TNR: variants seen among roughly 807,000 people sequenced by gnomAD.
TNR encodes tenascin-R.
Under a neutral mutation model 150.4 loss-of-function variants are expected in TNR, and 45 were observed. The ratio of observed to expected loss-of-function variants is 0.30; its 90% CI spans 0.24 to 0.38. The LOEUF (loss-of-function observed/expected upper bound fraction) is 0.38, where lower values mean the gene tolerates loss of function less well. Among genes scored for constraint, TNR ranks in the 10% least tolerant of loss-of-function variants. TNR has a pLI of 1.00. For missense variants in TNR, 1,544 were observed against 1,759.1 expected, an observed-to-expected ratio of 0.88 and a Z score of 2.19; for synonymous variants, 687 against 678.4, an observed-to-expected ratio of 1.01 and a Z score of -0.20.
chr1:175,391,536 G>T, intron 6 of TNR, 98 bp from the exon 7 acceptor site: 1 of 1,371,262 alleles, frequency 7.3e-7, no homozygotes, highest in Non-Finnish European at 9.9e-7. Flanking sequence ...ATTGTGGATT[G>T]TGAATTTAAA....
At chr1:175,328,518 C>A (rs982811078) in intron 21 of TNR, among the ~76,000 whole-genome samples, 1 of 152,212 alleles carries the variant, frequency 6.6e-6, no homozygotes, top group Non-Finnish European at 1.5e-5. Context: ...ACCTTCTGAT[C>A]TAGAAAGAAC....
intron 1 of TNR, among the ~76,000 whole-genome samples, chr1:175,559,103 T>TA (rs950094709): frequency 6.6e-5 from 10 of 152,272 alleles, no homozygotes; most frequent in African/African-American, 2.4e-4. Flanking sequence ...ATCTATTTTT[T>TA]AAAAAAATTT....
At chr1:175,605,270 A>G (rs1663371692) in intron 1 of TNR, among the ~76,000 whole-genome samples, 1 of 152,238 alleles carries the variant, frequency 6.6e-6, no homozygotes, top group Non-Finnish European at 1.5e-5. Flanking sequence ...AACCTTTCCA[A>G]AAATTTCAAT....
chr1:175,545,694 G>C (rs1189938584), intron 1 of TNR, among the ~76,000 whole-genome samples: 1 of 152,190 alleles, frequency 6.6e-6, no homozygotes, highest in Non-Finnish European at 1.5e-5. Flanking sequence ...AGTAGGTACT[G>C]TAGCTATGAT....
intron 7 of TNR, among the ~76,000 whole-genome samples, chr1:175,387,048 C>T (rs859440): frequency 0.67 from 101,267 of 152,140 alleles, 33,917 homozygotes; most frequent in East Asian, 0.83. Context: ...AGCCCTGGCC[C>T]CTGGCACTGT....
At chr1:175,725,418 G>T (rs899355094) in intron 1 of TNR, among the ~76,000 whole-genome samples, 1 of 152,118 alleles carries the variant, frequency 6.6e-6, no homozygotes, top group African/African-American at 2.4e-5. Context: ...TGTCAAAAAT[G>T]GCAACATCAG....
intron 2 of TNR, among the ~76,000 whole-genome samples, chr1:175,511,803 C>T (rs771623563): frequency 2.6e-5 from 4 of 152,200 alleles, no homozygotes; most frequent in African/African-American, 7.2e-5. Flanking sequence ...GAGGTGATCA[C>T]GGACTCTTCT....
chr1:175,354,499 T>A lies in TNR; in HGVS notation c.3274A>T (p.Thr1092Ser), dbSNP rs1055884416. ...RKELIVDAEDTWIRLEGLLEN... is the reference protein window; with the variant it reads ...RKELIVDAEDSWIRLEGLLEN... Reference sequence around the variant, plus strand: ...AACAGGCCCTCCAGTCGAATCCAGGTGTCTTCTGCATCCACAATCAGCTCC... The same window carrying A: ...AACAGGCCCTCCAGTCGAATCCAGGAGTCTTCTGCATCCACAATCAGCTCC... Residue 1092 changes from threonine to serine, a missense_variant, in exon 18 of 23, where the codon ACC (threonine) becomes TCC (serine). Transcript: ENST00000367674. The A allele has an allele frequency of 3.1e-6, 5 of 1,613,910 alleles. No homozygotes were observed. Among genetic ancestry groups the A allele is most frequent in the Admixed American group, 3.3e-5 (2 of 60,000 alleles).
intron 2 of TNR, among the ~76,000 whole-genome samples, chr1:175,411,726 C>T (rs1654226204): frequency 6.6e-6 from 1 of 151,954 alleles, no homozygotes; most frequent in Non-Finnish European, 1.5e-5. Context: ...AACCACTCTA[C>T]TCCAGTATGA....
At chr1:175,729,414 C>CCTCTCTCTCT (rs10655316) in intron 1 of TNR, among the ~76,000 whole-genome samples, 1 of 148,940 alleles carries the variant, frequency 6.7e-6, no homozygotes, top group Non-Finnish European at 1.5e-5. Flanking sequence ...TGGTGTAAGG[C>CCTCTCTCTCT]CTCTCTCTCT....
intron 9 of TNR, among the ~76,000 whole-genome samples, chr1:175,368,574 G>A (rs947153928): frequency 6.6e-6 from 1 of 152,220 alleles, no homozygotes; most frequent in Non-Finnish European, 1.5e-5. Context: ...ATTCACAGAT[G>A]CTGGGGATTC....
At chr1:175,531,893 T>C (rs904443946) in intron 1 of TNR, among the ~76,000 whole-genome samples, 3 of 152,240 alleles carry the variant, frequency 2.0e-5, no homozygotes, top group Admixed American at 6.5e-5. Flanking sequence ...CCTGACTGCC[T>C]AGGCAAGAGC....
At chr1:175,540,907 C>T (rs1660477267) in intron 1 of TNR, among the ~76,000 whole-genome samples, 1 of 152,058 alleles carries the variant, frequency 6.6e-6, no homozygotes, top group Non-Finnish European at 1.5e-5. Context: ...TTAAGGTGTG[C>T]CCAAGGCCCA....
chr1:175,452,847 A>G (rs1391364765), intron 2 of TNR, among the ~76,000 whole-genome samples: 1 of 152,224 alleles, frequency 6.6e-6, no homozygotes, highest in Non-Finnish European at 1.5e-5. Context: ...TGTGGCATAT[A>G]TATACCATAG....
At chr1:175,409,823 T>TTTTTC (rs1251135226) in intron 2 of TNR, among the ~76,000 whole-genome samples, 1 of 151,492 alleles carries the variant, frequency 6.6e-6, no homozygotes, top group Non-Finnish European at 1.5e-5. Context: ...TATGCTGGTC[T>TTTTTC]TTTTCTTTAT....
At chr1:175,341,988 C>T (rs1650543813) in intron 18 of TNR, among the ~76,000 whole-genome samples, 1 of 152,232 alleles carries the variant, frequency 6.6e-6, no homozygotes, top group African/African-American at 2.4e-5. Flanking sequence ...GGGTGAGCCA[C>T]TTGGCTTTCT....
At position 175,323,310 on chromosome 1, in the gene TNR, A is replaced by T. The variant is rs762855183; in HGVS notation, c.*47T>A. 8.7e-6 allele frequency: 14 copies of T among 1,607,054 alleles called. No homozygotes were observed. Among genetic ancestry groups the T allele is most frequent in the Non-Finnish European group, 1.2e-5 (14 of 1,175,964 alleles). On this transcript the variant is annotated 3_prime_UTR_variant, in exon 23 of 23. Coordinates refer to ENST00000367674, the MANE Select transcript of TNR (RefSeq NM_003285.3). ...CCCCCCTTGTTTCATATTATAAAAT[A>T]CAAACAAATGACAGAAAATATTGGT...
chr1:175,521,506 G>A (rs1009578835), intron 2 of TNR, among the ~76,000 whole-genome samples: 5 of 152,176 alleles, frequency 3.3e-5, no homozygotes, highest in South Asian at 2.1e-4. Context: ...AAATATTTTC[G>A]GCCTCTAAAT....
intron 1 of TNR, among the ~76,000 whole-genome samples, chr1:175,670,761 G>C (rs147145674): frequency 1.1e-4 from 16 of 152,182 alleles, no homozygotes; most frequent in Admixed American, 2.6e-4. Context: ...GAGAGAGGGG[G>C]ATGTGGATAC....
Sources: allele counts gnomAD v4.1 joint callset (sites outside exome capture counted in the v4.1 genomes callset), GRCh38; gene constraint gnomAD v4.1.1; transcripts MANE v1.5; gene names NCBI Gene and HGNC (gene_info 2026-07-23, HGNC 2026-07-21).